The following PCSK1 variants were observed in gnomAD, a reference collection of about 807,000 sequenced individuals.
PCSK1 encodes the protein neuroendocrine convertase 1.
A neutral mutation model predicts 90.6 loss-of-function variants in PCSK1; 56 were observed. The observed-to-expected ratio is 0.62, with a 90% CI of 0.50 to 0.77. PCSK1 has a LOEUF of 0.77. Among genes scored for constraint, PCSK1 ranks in the 30% least tolerant of loss-of-function variants. The pLI, the probability that PCSK1 is intolerant of heterozygous loss-of-function variation, is 0.00. For synonymous variants in PCSK1, 348 were observed against 342.4 expected, an observed-to-expected ratio of 1.02 and a Z score of -0.18; for missense variants, 801 against 932.6, an observed-to-expected ratio of 0.86 and a Z score of 1.84.
At chr5:96,401,524 TAGTA>T (rs1014183598) in intron 9 of PCSK1, among the ~76,000 whole-genome samples, 6 of 152,190 alleles carry the variant, frequency 3.9e-5, no homozygotes, top group African/African-American at 1.4e-4. Flanking sequence ...TCATAAGTCT[TAGTA>T]AGATTAATTT....
intron 5 of PCSK1, among the ~76,000 whole-genome samples, chr5:96,417,414 C>T (rs1008535873): frequency 6.6e-6 from 1 of 152,016 alleles, no homozygotes; most frequent in African/African-American, 2.4e-5. Flanking sequence ...AAGCAGCCCT[C>T]CTGACTTTTT....
intron 6 of PCSK1, 105 bp from the exon 7 acceptor site, chr5:96,412,595 CA>C: frequency 9.2e-7 from 1 of 1,082,996 alleles, no homozygotes; most frequent in Non-Finnish European, 1.4e-6. Flanking sequence ...TTTTAAGAGT[CA>C]AAAACCAGGT....
chr5:96,409,709 C>A (rs967030317), intron 8 of PCSK1, among the ~76,000 whole-genome samples: 2 of 152,194 alleles, frequency 1.3e-5, no homozygotes, highest in African/African-American at 4.8e-5. Context: ...ACAAGTGGGG[C>A]AGATGTCTGA....
chr5:96,396,213 G>A (rs1760135579), intron 12 of PCSK1, among the ~76,000 whole-genome samples: 1 of 152,082 alleles, frequency 6.6e-6, no homozygotes, highest in African/African-American at 2.4e-5. Flanking sequence ...AACGACTATA[G>A]AATTTGTATT....
At chr5:96,432,778 C>T in intron 1 of PCSK1, 85 bp downstream of exon 1, 2 of 1,130,810 alleles carry the variant, frequency 1.8e-6, no homozygotes, top group South Asian at 1.3e-5. Flanking sequence ...AGAGTGCAAC[C>T]TGGGGCTCCC....
chr5:96,392,911 T>A lies in PCSK1; in HGVS notation c.*90A>T. ...ACAAAGGATATTATAAGCATAAGAA[T>A]TCATGACAAAACAACCACTTCAGAC... On this transcript the variant is annotated 3_prime_UTR_variant, in exon 14 of 14. Coordinates refer to ENST00000311106, the MANE Select transcript of PCSK1 (RefSeq NM_000439.5). 1 of 1,292,866 alleles carries A rather than the reference T, an allele frequency of 7.7e-7. No individual in the cohort carries two copies. The highest frequency in any genetic ancestry group is 1.1e-6 in the Non-Finnish European group (1 of 893,144). 80.1% of individuals were successfully genotyped at this position (1,292,866 alleles called of 1,614,324 possible).
In PCSK1 at chr5:96,408,294, C is replaced by T. The variant is rs760792790; in HGVS notation, c.1125G>A (p.Thr375=). ...AGGCCGAGGTGCCTGTGTGCGTCTC[C>T]GTGCAGTCATTGTGCAGGTCAGCGC... The part of the protein sequence containing the change: ...ITSADLHNDC[T]ETHTGTSASA... Residue 375 remains threonine (T), a synonymous_variant, in exon 9 of 14, where the codon ACG becomes ACA. Transcript: ENST00000311106. The T allele has an allele frequency of 6.8e-6, 11 of 1,613,874 alleles. No individual in the cohort carries two copies. The highest frequency in any genetic ancestry group is 4.5e-5 in the East Asian group (2 of 44,886).
intron 5 of PCSK1, 101 bp from the exon 6 acceptor site, chr5:96,416,222 G>A (rs957987609): frequency 4.0e-5 from 33 of 816,402 alleles, no homozygotes; most frequent in East Asian, 5.2e-5. Context: ...ACTTTTTGTC[G>A]GCCTTGTTAC....
At chr5:96,420,884 G>A (rs1260163337) in intron 5 of PCSK1, among the ~76,000 whole-genome samples, 1 of 152,080 alleles carries the variant, frequency 6.6e-6, no homozygotes, top group Non-Finnish European at 1.5e-5. Flanking sequence ...ATAAAGAAGC[G>A]CTTCATGTGA....
At chr5:96,429,432 A>G (rs567165260) in intron 1 of PCSK1, 115 bp from the exon 2 acceptor site, 4 of 648,760 alleles carry the variant, frequency 6.2e-6, no homozygotes, top group South Asian at 5.3e-5. Flanking sequence ...CATTCCTGGT[A>G]TCTGAAATTA....
chr5:96,418,321 T>A (rs918866462), intron 5 of PCSK1, among the ~76,000 whole-genome samples: 2 of 152,228 alleles, frequency 1.3e-5, no homozygotes, highest in Non-Finnish European at 2.9e-5. Flanking sequence ...TAACTGGCAT[T>A]TAAACAAAAT....
intron 10 of PCSK1, 110 bp downstream of exon 10, chr5:96,399,843 C>A: frequency 1.2e-6 from 1 of 821,496 alleles, no homozygotes; most frequent in South Asian, 1.5e-5. Flanking sequence ...AAAATTCCAC[C>A]TCCATCTACT....
intron 3 of PCSK1, among the ~76,000 whole-genome samples, chr5:96,424,258 T>C (rs978115840): frequency 1.3e-5 from 2 of 152,060 alleles, no homozygotes; most frequent in Admixed American, 1.3e-4. Context: ...TGTGCCCTCC[T>C]CCCCATAAAG....
chr5:96,397,863 G>T (rs1003490840), intron 11 of PCSK1, among the ~76,000 whole-genome samples: 1 of 151,906 alleles, frequency 6.6e-6, no homozygotes, highest in African/African-American at 2.4e-5. Context: ...AGGAAATCTT[G>T]AAAATTTAGT....
intron 9 of PCSK1, among the ~76,000 whole-genome samples, chr5:96,404,404 G>T (rs2112408284): frequency 6.6e-6 from 1 of 152,314 alleles, no homozygotes; most frequent in South Asian, 2.1e-4. Flanking sequence ...CTCCCCAGGT[G>T]ATGACTATAT....
intron 6 of PCSK1, among the ~76,000 whole-genome samples, chr5:96,414,353 C>T (rs543777175): frequency 2.0e-5 from 3 of 152,192 alleles, no homozygotes; most frequent in Middle Eastern, 6.8e-3. Flanking sequence ...AGGTGGGTGC[C>T]GTAATTCTCC....
At position 96,393,375 on chromosome 5, in the gene PCSK1, G is replaced by C; in HGVS notation, c.1888C>G (p.Gln630Glu). The C allele has an allele frequency of 6.2e-7, 1 of 1,613,680 alleles. No homozygotes were observed. ...VEKMVDPGEE[Q>E]PTQENPKENT... ...TCCTTAGGGTTCTCTTGTGTGGGCTGCTCCTAAAACATAGAATGCCATCCA... is the reference window on the plus strand; with the variant it reads ...TCCTTAGGGTTCTCTTGTGTGGGCTCCTCCTAAAACATAGAATGCCATCCA... Residue 630 changes from glutamine (Q) to glutamate (E), a missense_variant, in exon 14 of 14, where the codon CAG (glutamine) becomes GAG (glutamate). Physicochemically the swap from Gln to Glu is conservative, Grantham distance 29. Transcript: ENST00000311106.
At chr5:96,427,988 C>CA (rs1334226546) in intron 2 of PCSK1, among the ~76,000 whole-genome samples, 2 of 151,946 alleles carry the variant, frequency 1.3e-5, no homozygotes, top group Non-Finnish European at 2.9e-5. Flanking sequence ...AATAACTTGA[C>CA]AAAAAAGAGC....
intron 3 of PCSK1, among the ~76,000 whole-genome samples, chr5:96,424,548 A>G (rs1361489640): frequency 6.6e-6 from 1 of 152,228 alleles, no homozygotes; most frequent in Non-Finnish European, 1.5e-5. Context: ...TACAACACAG[A>G]CAATCATGAG....
Sources: gnomAD v4.1 joint callset for allele counts (sites outside exome capture counted in the v4.1 genomes callset) on GRCh38, gnomAD v4.1.1 for gene constraint, MANE v1.5 for transcripts, NCBI Gene and HGNC (gene_info 2026-07-23, HGNC 2026-07-21) for gene names.